ATP2B2: variants seen among roughly 807,000 people sequenced by gnomAD.
ATP2B2 encodes the protein plasma membrane calcium-transporting ATPase 2.
In ATP2B2, 15 loss-of-function variants were observed where a neutral mutation model predicts 120.0. The ratio of observed to expected loss-of-function variants is 0.12; its 90% confidence interval spans 0.08 to 0.19. The LOEUF is 0.19. Among genes scored for constraint, ATP2B2 ranks in the 10% least tolerant of loss-of-function variants. The pLI, the probability that ATP2B2 is intolerant of heterozygous loss-of-function variation, is 1.00. For missense variants in ATP2B2, 1,045 were observed against 1,719.8 expected, an observed-to-expected ratio of 0.61 and a Z score of 6.94; for synonymous variants, 694 against 700.3, an observed-to-expected ratio of 0.99 and a Z score of 0.14.
At chr3:10,410,485 G>T in intron 3 of ATP2B2, 133 bp downstream of exon 3, 1 of 1,169,086 alleles carries the variant, frequency 8.6e-7, no homozygotes, top group Non-Finnish European at 1.2e-6. Context: ...GGCTATGGGT[G>T]GGGCCCTGCC....
chr3:10,452,883 T>C (rs1255478016), intron 1 of ATP2B2, among the ~76,000 whole-genome samples: 1 of 152,184 alleles, frequency 6.6e-6, no homozygotes, highest in African/African-American at 2.4e-5. Flanking sequence ...CAAGTCTGGA[T>C]TGGGTGAAGG....
intron 12 of ATP2B2, among the ~76,000 whole-genome samples, chr3:10,371,372 A>G (rs1575042864): frequency 6.6e-6 from 1 of 152,236 alleles, no homozygotes; most frequent in Admixed American, 6.5e-5. Flanking sequence ...AGATGTCCAC[A>G]TGAACCCCCA....
At chr3:10,555,209 T>TC (rs2067752554) in intron 2 of ATP2B2, among the ~76,000 whole-genome samples, 1 of 152,234 alleles carries the variant, frequency 6.6e-6, no homozygotes, top group African/African-American at 2.4e-5. Context: ...GCTCTTAGAT[T>TC]TCTCTCAGCC....
intron 7 of ATP2B2, 58 bp downstream of exon 7, chr3:10,386,422 G>T: frequency 1.3e-6 from 2 of 1,587,134 alleles, no homozygotes; most frequent in South Asian, 2.2e-5. Context: ...AGGGCCCAAT[G>T]ACCAAAGCCT....
At chr3:10,550,991 A>C (rs541344092) in intron 2 of ATP2B2, among the ~76,000 whole-genome samples, 32 of 152,294 alleles carry the variant, frequency 2.1e-4, no homozygotes, top group African/African-American at 7.5e-4. Flanking sequence ...AACTTGGATC[A>C]GGCAAGTTTG....
At chr3:10,673,479 A>G (rs894542924) in intron 1 of ATP2B2, among the ~76,000 whole-genome samples, 1 of 151,756 alleles carries the variant, frequency 6.6e-6, no homozygotes, top group African/African-American at 2.4e-5. Context: ...AAACAGAGAG[A>G]CAGGAAGAGA....
intron 1 of ATP2B2, among the ~76,000 whole-genome samples, chr3:10,461,318 C>T (rs1369236557): frequency 1.3e-5 from 2 of 152,196 alleles, no homozygotes; most frequent in Non-Finnish European, 2.9e-5. Flanking sequence ...TTATCTCCAC[C>T]CAGAGTCTCC....
intron 2 of ATP2B2, among the ~76,000 whole-genome samples, chr3:10,588,457 C>T (rs955558133): frequency 2.6e-5 from 4 of 152,180 alleles, no homozygotes; most frequent in Admixed American, 1.3e-4. Context: ...CTTCTGATGG[C>T]AACCTGGTCC....
intron 1 of ATP2B2, among the ~76,000 whole-genome samples, chr3:10,453,425 A>G (rs945560565): frequency 1.3e-5 from 2 of 152,246 alleles, no homozygotes; most frequent in Admixed American, 6.5e-5. Context: ...AACTGAGGCC[A>G]AGAGAGATGA....
chr3:10,563,619 G>A (rs186861641), intron 2 of ATP2B2, among the ~76,000 whole-genome samples: 1 of 152,378 alleles, frequency 6.6e-6, no homozygotes, highest in African/African-American at 2.4e-5. Context: ...CAGCTGCACA[G>A]TCTGACTACA....
intron 1 of ATP2B2, among the ~76,000 whole-genome samples, chr3:10,679,961 G>A (rs535925361): frequency 7.9e-5 from 12 of 152,190 alleles, no homozygotes; most frequent in African/African-American, 2.6e-4. Context: ...TATATGGTTC[G>A]AGGATGTTAA....
intron 21 of ATP2B2, 24 bp from the exon 22 acceptor site, chr3:10,338,382 G>A (rs1409290489): frequency 6.2e-7 from 1 of 1,613,896 alleles, no homozygotes; most frequent in African/African-American, 1.3e-5. Context: ...TGTCTGTCAG[G>A]ACGGTGGGGC....
chr3:10,357,763 C>T (rs2060781191), intron 14 of ATP2B2, among the ~76,000 whole-genome samples: 1 of 152,224 alleles, frequency 6.6e-6, no homozygotes, highest in South Asian at 2.1e-4. Flanking sequence ...CACGCTGCCT[C>T]ATGCCCATGG....
At chr3:10,476,158 T>C (rs116002097) in intron 1 of ATP2B2, among the ~76,000 whole-genome samples, 5,947 of 152,278 alleles carry the variant, frequency 0.039, 382 homozygotes, top group African/African-American at 0.14. Flanking sequence ...GATAACCAGC[T>C]GGTGAAACTG....
intron 2 of ATP2B2, among the ~76,000 whole-genome samples, chr3:10,577,468 T>C (rs1332940589): frequency 6.6e-6 from 1 of 152,156 alleles, no homozygotes; most frequent in Admixed American, 6.5e-5. Flanking sequence ...TCAGCTTTAA[T>C]CCCCAAGGCC....
At chr3:10,333,549 G>A (rs1574929670) in intron 22 of ATP2B2, among the ~76,000 whole-genome samples, 1 of 152,158 alleles carries the variant, frequency 6.6e-6, no homozygotes, top group Non-Finnish European at 1.5e-5. Flanking sequence ...GCACGAGGCT[G>A]TGTTGTCCAA....
intron 5 of ATP2B2, among the ~76,000 whole-genome samples, chr3:10,397,193 C>T (rs1222794423): frequency 1.3e-5 from 2 of 152,150 alleles, no homozygotes; most frequent in Admixed American, 1.3e-4. Context: ...TCTGCAGGGC[C>T]CAGGGGTGAG....
chr3:10,515,882 A>G (rs949932394), intron 3 of ATP2B2, among the ~76,000 whole-genome samples: 1 of 152,180 alleles, frequency 6.6e-6, no homozygotes, highest in African/African-American at 2.4e-5. Flanking sequence ...AACTACCTGT[A>G]AGCCCCTTCT....
At position 10,653,778 on chromosome 3, in the gene ATP2B2, C is replaced by A. The variant is rs114125702; in HGVS notation, c.-459-33817G>T. On this transcript the variant is annotated intron_variant, in intron 1 of 21. Coordinates refer to the ATP2B2 transcript ENST00000646379. ...AGGCTTAGTGAGAGTCTCCAGCCTA[C>A]GTCTTACTATAGCCTACGATATCCT... Among the ~76,000 whole-genome samples the A allele has an allele frequency of 8.5e-5, 13 of 152,252 alleles. No homozygotes were observed. In the South Asian group the frequency reaches 1.0e-3, roughly 12 times the overall value.
Sources: gnomAD v4.1 joint callset for allele counts (sites outside exome capture counted in the v4.1 genomes callset) on GRCh38, gnomAD v4.1.1 for gene constraint, MANE v1.5 for transcripts, NCBI Gene and HGNC (gene_info 2026-07-23, HGNC 2026-07-21) for gene names.